SS18L1: variants seen among roughly 807,000 people sequenced by gnomAD.
SS18L1 encodes the protein SS18L1 subunit of BAF chromatin remodeling complex.
SS18L1 carries 32 observed loss-of-function variants against 70.3 expected under a neutral mutation model. The ratio of observed to expected loss-of-function variants is 0.46; its 90% CI spans 0.34 to 0.61. The LOEUF (loss-of-function observed/expected upper bound fraction) is 0.61. Ranked by LOEUF, SS18L1 falls within the 20% of genes least tolerant of loss-of-function variation. SS18L1 has a pLI of 0.01. For missense variants in SS18L1, 430 were observed against 542.1 expected (o/e 0.79, Z 2.05); for synonymous variants, 237 against 229.7 (o/e 1.03, Z -0.29).
In SS18L1 at chr20:62,158,562, C is replaced by T. The variant is rs1024201431; in HGVS notation, c.70-110C>T. The stretch of plus-strand genomic sequence containing the variant: ...AAAATCTGAAATCTGACACGTTTCA[C>T]GTAAGGGACGCTCAACCTATATGAA... On this transcript the variant is annotated intron_variant, in intron 1 of 10. Transcript: ENST00000331758. This position sits in a 1 kb window ranked among gnomAD's most constrained non-coding sequence, Gnocchi z 4.5. 6.0e-5 allele frequency: 89 copies of T among 1,482,734 alleles called. No homozygotes were observed. The highest frequency in any genetic ancestry group is 5.6e-4 in the African/African-American group (40 of 71,844). The allele number at this position is 1,482,734 out of a possible 1,614,324, so 91.8% of individuals were successfully genotyped here.
Position 62,175,322 on chromosome 20 carries a change from A to G in SS18L1, c.1164+678A>G, listed in dbSNP as rs6121942. On this transcript the variant is annotated intron_variant, in intron 10 of 10. Transcript: ENST00000331758. ...GGAGGTGACAGGGACAGGTGGGCGT[A>G]GGGGCCTCCATAAAGCAGACATCGC... 7,261 of 985,388 alleles carry G rather than the reference A, an allele frequency of 7.4e-3. 296 individuals are homozygous for G. The African/African-American group carries it at 0.098, about 13-fold the overall frequency. The allele number at this position is 985,388 out of a possible 1,614,324, so 61.0% of individuals were successfully genotyped here.
chr20:62,175,438 A>C lies in SS18L1; in HGVS notation c.1164+794A>C, dbSNP rs540624417. The C allele has an allele frequency of 3.5e-5, 34 of 985,316 alleles. No homozygotes were observed. The South Asian group carries it at 1.2e-3, about 34-fold the overall frequency. The allele number at this position is 985,316 out of a possible 1,614,324, so 61.0% of individuals were successfully genotyped here. On this transcript the variant is annotated intron_variant, in intron 10 of 10. Transcript: ENST00000331758. Reference sequence around the variant, plus strand: ...AGCGAGGGCCTCCTAGAGGAGAATGAGCCAGGCAAGGGAAGAGGGCGTGCC... The same window carrying C: ...AGCGAGGGCCTCCTAGAGGAGAATGCGCCAGGCAAGGGAAGAGGGCGTGCC...
intron 1 of SS18L1, among the ~76,000 whole-genome samples, chr20:62,146,950 C>T (rs1362295991): frequency 1.3e-5 from 2 of 152,094 alleles, no homozygotes; most frequent in African/African-American, 2.4e-5. Flanking sequence ...TTTATAAGGA[C>T]TCTAGTCACT....
chr20:62,179,112 C>T, intron 10 of SS18L1, 70 bp from the exon 11 acceptor site: 1 of 1,563,084 alleles, frequency 6.4e-7, no homozygotes, highest in South Asian at 1.1e-5. Flanking sequence ...CCTGTCCGGG[C>T]TGGGGTGGAC....
At chr20:62,155,534 T>A (rs568469811) in intron 1 of SS18L1, among the ~76,000 whole-genome samples, 2 of 152,344 alleles carry the variant, frequency 1.3e-5, no homozygotes, top group African/African-American at 4.8e-5. Flanking sequence ...CCGCTGTGGC[T>A]TCTGCGGATT....
Position 62,158,919 on chromosome 20 carries a change from T to A in SS18L1, c.146+171T>A, listed in dbSNP as rs989179855. Reference sequence around the variant, plus strand: ...GTCCCCTGCACAGAGGCCAGATATGTCCCAGGAGTCCCCCAGCACGGAGGT... The same window carrying A: ...GTCCCCTGCACAGAGGCCAGATATGACCCAGGAGTCCCCCAGCACGGAGGT... On this transcript the variant is annotated intron_variant, in intron 2 of 10. Coordinates refer to ENST00000331758, the MANE Select transcript of SS18L1 (RefSeq NM_198935.3). This position sits in a 1 kb window ranked among gnomAD's most constrained non-coding sequence, Gnocchi z 4.5. 1 of 1,585,002 alleles carries A rather than the reference T, an allele frequency of 6.3e-7. No individual in the cohort carries two copies. The highest frequency in any genetic ancestry group is 1.4e-5 in the African/African-American group (1 of 70,824).
intron 4 of SS18L1, 103 bp from the exon 5 acceptor site, chr20:62,162,649 A>T: frequency 2.4e-6 from 3 of 1,264,574 alleles, no homozygotes; most frequent in East Asian, 2.5e-5. Flanking sequence ...GTTGATAGCA[A>T]CTCTTCCCAA....
At position 62,143,807 on chromosome 20, in the gene SS18L1, C is replaced by T. The variant is rs371391420; in HGVS notation, c.-14C>T. 61 of 1,357,312 alleles carry T rather than the reference C, an allele frequency of 4.5e-5. No homozygotes were observed. The highest frequency in any genetic ancestry group is 5.3e-5 in the Non-Finnish European group (54 of 1,025,274). The allele number at this position is 1,357,312 out of a possible 1,614,324, so 84.1% of individuals were successfully genotyped here. A position where few individuals can be genotyped will look rare whatever the true frequency, so the allele number is the denominator to read the frequency against. ...CCACCTCGATGACCACGGGCTGAGC[C>T]CCGCGCCGCCACCATGTCCGTGGCC... is the stretch of plus-strand genomic sequence containing the variant. On this transcript the variant is annotated 5_prime_UTR_variant, in exon 1 of 11. Coordinates refer to ENST00000331758, the MANE Select transcript of SS18L1 (RefSeq NM_198935.3).
chr20:62,158,301 A>G lies in SS18L1; in HGVS notation c.70-371A>G, dbSNP rs1470479353. Among the ~76,000 whole-genome samples, 1 of 151,728 alleles carries G rather than the reference A, an allele frequency of 6.6e-6. No homozygotes were observed. The highest frequency in any genetic ancestry group is 1.5e-5 in the Non-Finnish European group (1 of 67,950). ...CGCTTACGGATGAAGTCCCCAGCAC[A>G]GGGAGGTGTGAATGTTCGGTCTGTG... On this transcript the variant is annotated intron_variant, in intron 1 of 10. Transcript: ENST00000331758. The surrounding 1 kb of genome is among the most constrained non-coding windows in gnomAD (Gnocchi z 4.5).
At chr20:62,172,614 T>C in intron 8 of SS18L1, 68 bp from the exon 9 acceptor site, 2 of 1,605,912 alleles carry the variant, frequency 1.2e-6, no homozygotes, top group African/African-American at 1.3e-5. Context: ...GTGTCGTGAG[T>C]GGGCCACAGA....
intron 1 of SS18L1, among the ~76,000 whole-genome samples, chr20:62,155,141 G>T (rs1292284554): frequency 6.6e-6 from 1 of 152,104 alleles, no homozygotes; most frequent in Non-Finnish European, 1.5e-5. Flanking sequence ...AATGGCTCAT[G>T]CCTGTAATGA....
chr20:62,153,680 C>T (rs758133714), intron 1 of SS18L1, among the ~76,000 whole-genome samples: 41 of 152,114 alleles, frequency 2.7e-4, no homozygotes, highest in Non-Finnish European at 2.1e-4. Flanking sequence ...TTTTTCTTTT[C>T]AATCACTTGT....
At position 62,158,768 on chromosome 20, in the gene SS18L1, C is replaced by CG; in HGVS notation, c.146+22dup. The CG allele has an allele frequency of 6.2e-7, 1 of 1,612,968 alleles. No homozygotes were observed. Among genetic ancestry groups the CG allele is most frequent in the Non-Finnish European group, 8.5e-7 (1 of 1,179,988 alleles). ...CACGCAGTGAGTGCCCGCCATACAC[C>CG]GGAACACTTGGAGGGTGTCATGCAG... On this transcript the variant is annotated intron_variant, in intron 2 of 10. Coordinates refer to ENST00000331758, the MANE Select transcript of SS18L1 (RefSeq NM_198935.3). This position sits in a 1 kb window ranked among gnomAD's most constrained non-coding sequence, Gnocchi z 4.5.
At chr20:62,144,249 G>A (rs1329105334) in intron 1 of SS18L1, among the ~76,000 whole-genome samples, 4 of 151,746 alleles carry the variant, frequency 2.6e-5, no homozygotes, top group Non-Finnish European at 5.9e-5. Context: ...GGGCTATGCC[G>A]GGCGCACGGG....
intron 1 of SS18L1, among the ~76,000 whole-genome samples, chr20:62,146,496 C>T (rs2057028220): frequency 6.6e-6 from 1 of 152,130 alleles, no homozygotes; most frequent in African/African-American, 2.4e-5. Flanking sequence ...GACCAGAAGT[C>T]CCAAGTCCAG....
intron 5 of SS18L1, 94 bp from the exon 6 acceptor site, chr20:62,163,361 TAAC>T (rs2057366820): frequency 1.3e-6 from 2 of 1,518,526 alleles, no homozygotes; most frequent in African/African-American, 1.4e-5. Context: ...CACAGGAAAA[TAAC>T]GAGGAACCCG....
At position 62,165,504 on chromosome 20, in the gene SS18L1, C is replaced by T. The variant is rs1244964736; in HGVS notation, c.906C>T (p.Tyr302=). The T allele has an allele frequency of 3.1e-6, 5 of 1,611,950 alleles. No individual in the cohort carries two copies. Among genetic ancestry groups the T allele is most frequent in the Non-Finnish European group, 4.2e-6 (5 of 1,179,372 alleles). ...CCTTCGAGGAGTCCACGCAGCACTA[C>T]TATGAGGGGGGTAAGGAGCACGGCT... is the stretch of plus-strand genomic sequence containing the variant. ...DRSFEESTQH[Y]YEGGNSQYSQ... is the part of the protein sequence containing the mutation. The change falls in exon 8 of 11, where the codon TAC becomes TAT. Residue 302 remains tyrosine, a synonymous_variant. Coordinates refer to ENST00000331758, the MANE Select transcript of SS18L1 (RefSeq NM_198935.3).
chr20:62,153,695 A>G (rs2057174116), intron 1 of SS18L1, among the ~76,000 whole-genome samples: 1 of 151,850 alleles, frequency 6.6e-6, no homozygotes, highest in African/African-American at 2.4e-5. Context: ...ACTTGTCACT[A>G]GTGTATCTCC....
chr20:62,148,934 C>T (rs1270808602), intron 1 of SS18L1, among the ~76,000 whole-genome samples: 1 of 152,246 alleles, frequency 6.6e-6, no homozygotes, highest in Non-Finnish European at 1.5e-5. Context: ...CATCCAGTCG[C>T]CGGGTGTGGA....
Sources: gnomAD v4.1 joint callset for allele counts (sites outside exome capture counted in the v4.1 genomes callset) on GRCh38, gnomAD v4.1.1 for gene constraint, Gnocchi (gnomAD v3.1) non-coding constraint, MANE v1.5 for transcripts, NCBI Gene and HGNC (gene_info 2026-07-23, HGNC 2026-07-21) for gene names.